The following ATP9B variants were observed in gnomAD, a reference collection of about 807,000 sequenced individuals.
ATP9B encodes ATPase phospholipid transporting 9B.
Under a neutral mutation model 146.1 loss-of-function variants are expected in ATP9B, and 110 were observed. The observed-to-expected ratio is 0.75, with a 90% CI of 0.65 to 0.88. The LOEUF is 0.88. ATP9B is among the 40% of genes least tolerant of loss of function. The probability of loss-of-function intolerance (pLI) is 0.00; values close to 1 mark genes in which losing one functional copy is unlikely to be tolerated. For missense variants in ATP9B, 1,499 were observed against 1,496.4 expected (o/e 1.00, Z -0.03); for synonymous variants, 604 against 569.7 (o/e 1.06, Z -0.86).
At chr18:79,253,183 G>A (rs2096047043) in intron 11 of ATP9B, among the ~76,000 whole-genome samples, 198 bp from the exon 12 acceptor site, 1 of 152,214 alleles carries the variant, frequency 6.6e-6, no homozygotes, top group African/African-American at 2.4e-5. Flanking sequence ...TTTGTCAGTA[G>A]ACCCTTTCTG....
At chr18:79,083,860 T>A (rs773371587) in intron 1 of ATP9B, among the ~76,000 whole-genome samples, 29 of 150,110 alleles carry the variant, frequency 1.9e-4, no homozygotes, top group African/African-American at 2.7e-4. Context: ...ATTGACCATC[T>A]TCTTCTTTTT....
intron 20 of ATP9B, chr18:79,343,589 C>CAATTA (rs978256587): frequency 1.3e-5 from 2 of 152,170 alleles, no homozygotes; most frequent in African/African-American, 4.8e-5. Flanking sequence ...ACAACACAAG[C>CAATTA]AATTAAGTAT....
chr18:79,108,655 C>T (rs920100610), intron 2 of ATP9B, among the ~76,000 whole-genome samples: 1 of 152,150 alleles, frequency 6.6e-6, no homozygotes, highest in African/African-American at 2.4e-5. Flanking sequence ...GCCCCGTGAG[C>T]GAGCACTGCT....
Position 79,239,219 on chromosome 18 carries a change from G to C in ATP9B, c.1108-14162G>C, listed in dbSNP as rs2095868300. On this transcript the variant is annotated intron_variant, in intron 11 of 29. Coordinates refer to ENST00000426216, the MANE Select transcript of ATP9B (RefSeq NM_198531.5). The surrounding 1 kb of genome is among the most constrained non-coding windows in gnomAD (Gnocchi z 5.1). ...GCAGGGAGGTGTCTGGGGCGAGACAGGGCCTGGCCCTGGTGGACTGTGGAC... is the reference window on the plus strand; with the variant it reads ...GCAGGGAGGTGTCTGGGGCGAGACACGGCCTGGCCCTGGTGGACTGTGGAC... Among the ~76,000 whole-genome samples, 1 of 152,224 alleles carries C rather than the reference G, an allele frequency of 6.6e-6. No individual in the cohort carries two copies. Among genetic ancestry groups the C allele is most frequent in the Non-Finnish European group, 1.5e-5 (1 of 68,036 alleles).
In ATP9B at chr18:79,196,779, A is replaced by G. The variant is rs116272540; in HGVS notation, c.954+3516A>G. ...AAGATATATCAAGCAAATACAAATA[A>G]AAAGGAAACAGGAGTTGCAGTCTTG... On this transcript the variant is annotated intron_variant, in intron 9 of 29. Coordinates refer to ENST00000426216, the MANE Select transcript of ATP9B (RefSeq NM_198531.5). 3.4e-3 allele frequency among the ~76,000 whole-genome samples: 523 copies of G among 152,338 alleles called. 6 individuals are homozygous for G. Among genetic ancestry groups the G allele is most frequent in the African/African-American group, 0.012 (494 of 41,570 alleles).
intron 7 of ATP9B, among the ~76,000 whole-genome samples, chr18:79,155,623 T>A (rs1393056767): frequency 6.6e-6 from 1 of 152,160 alleles, no homozygotes; most frequent in Non-Finnish European, 1.5e-5. Context: ...TCATCATATA[T>A]CTTATTTCTA....
chr18:79,134,544 G>A (rs2094424689), intron 5 of ATP9B, among the ~76,000 whole-genome samples: 1 of 152,220 alleles, frequency 6.6e-6, no homozygotes, highest in Non-Finnish European at 1.5e-5. Context: ...AGATCCAGAT[G>A]AAAGTGCTGA....
chr18:79,184,514 GT>G (rs2148035544), intron 8 of ATP9B, among the ~76,000 whole-genome samples: 1 of 151,662 alleles, frequency 6.6e-6, no homozygotes, highest in Non-Finnish European at 1.5e-5. Flanking sequence ...TTTTTTTTAT[GT>G]TGTGAAATAA....
intron 11 of ATP9B, among the ~76,000 whole-genome samples, chr18:79,228,790 C>T (rs1027227516): frequency 6.6e-6 from 1 of 152,050 alleles, no homozygotes; most frequent in Non-Finnish European, 1.5e-5. Flanking sequence ...TTTGGGAAGT[C>T]GTGGCAGGCA....
chr18:79,336,594 G>A (rs1255223630), intron 17 of ATP9B, 34 bp from the exon 18 acceptor site: 2 of 1,604,360 alleles, frequency 1.2e-6, no homozygotes, highest in Admixed American at 3.3e-5. Flanking sequence ...GGGCTCTGCA[G>A]GGCCCACCTG....
intron 8 of ATP9B, among the ~76,000 whole-genome samples, chr18:79,178,250 C>G (rs2095204872): frequency 1.3e-5 from 2 of 152,206 alleles, no homozygotes; most frequent in Admixed American, 1.3e-4. Context: ...CCTGTCCTCA[C>G]CAGCACCGGA....
rs189805970 is a variant in ATP9B at position 79,184,193 on chromosome 18, C to T, written c.873+7286C>T. On this transcript the variant is annotated intron_variant, in intron 8 of 29. Transcript: ENST00000426216. ...TTAAATGTTTGTCAGTAGGTGGAAT[C>T]GAAAAGTGAGAGCCAAGTAATTTGC... Among the ~76,000 whole-genome samples the T allele has an allele frequency of 2.4e-3, 358 of 152,156 alleles. 6 individuals are homozygous for T. Among genetic ancestry groups the T allele is most frequent in the Admixed American group, 0.015 (223 of 15,276 alleles).
At chr18:79,248,161 C>A (rs1253226960) in intron 11 of ATP9B, among the ~76,000 whole-genome samples, 2 of 152,192 alleles carry the variant, frequency 1.3e-5, no homozygotes, top group African/African-American at 4.8e-5. Flanking sequence ...ATGTACTACA[C>A]ACACTTAAGG....
chr18:79,089,172 G>A (rs191727933), intron 1 of ATP9B, among the ~76,000 whole-genome samples: 2 of 152,178 alleles, frequency 1.3e-5, no homozygotes, highest in East Asian at 1.9e-4. Context: ...TACTGCTCGG[G>A]AGATGGGTGC....
intron 9 of ATP9B, among the ~76,000 whole-genome samples, chr18:79,202,076 G>A (rs889606143): frequency 1.3e-5 from 2 of 152,016 alleles, no homozygotes; most frequent in Admixed American, 6.6e-5. Context: ...TATATATACG[G>A]AATTAGAGAA....
intron 5 of ATP9B, among the ~76,000 whole-genome samples, chr18:79,128,346 C>T (rs1052212407): frequency 4.6e-5 from 7 of 152,214 alleles, no homozygotes; most frequent in South Asian, 2.1e-4. Flanking sequence ...GCGTGAGCCA[C>T]GCCCATCCCT....
At chr18:79,372,301 G>A (rs559783221) in intron 26 of ATP9B, 5 of 202,438 alleles carry the variant, frequency 2.5e-5, no homozygotes, top group South Asian at 7.3e-5. Flanking sequence ...AGGGCCTGGC[G>A]CAAGGACCCA....
chr18:79,069,425 C>G lies in ATP9B; in HGVS notation c.15C>G (p.Ile5Met), dbSNP rs374611661. 1 of 1,516,070 alleles carries G rather than the reference C, an allele frequency of 6.6e-7. No homozygotes were observed. The highest frequency in any genetic ancestry group is 1.2e-5 in the South Asian group (1 of 80,008). The allele number at this position is 1,516,070 out of a possible 1,614,324, so 93.9% of individuals were successfully genotyped here. A position where few individuals can be genotyped will look rare whatever the true frequency, so the allele number is the denominator to read the frequency against. The change falls in exon 1 of 30, where the codon ATC becomes ATG. Residue 5 changes from isoleucine to methionine, a missense_variant. Transcript: ENST00000426216. ...GCGGTCGGAACATGGCGGACCAGATCCCGCTTTACCCGGTGCGTAGCGCAG... is the reference window on the plus strand; with the variant it reads ...GCGGTCGGAACATGGCGGACCAGATGCCGCTTTACCCGGTGCGTAGCGCAG... Reference protein sequence around the residue: MADQIPLYPVRSAAA... With the variant: MADQMPLYPVRSAAA...
At chr18:79,203,659 A>T (rs2095508951) in intron 9 of ATP9B, among the ~76,000 whole-genome samples, 1 of 152,228 alleles carries the variant, frequency 6.6e-6, no homozygotes, top group Non-Finnish European at 1.5e-5. Flanking sequence ...TAAAATTCTG[A>T]ATTTATGGTA....
Sources: allele counts gnomAD v4.1 joint callset (sites outside exome capture counted in the v4.1 genomes callset), GRCh38; gene constraint gnomAD v4.1.1; non-coding constraint Gnocchi (gnomAD v3.1); transcripts MANE v1.5; gene names NCBI Gene and HGNC (gene_info 2026-07-23, HGNC 2026-07-21).